Variants in CELSR2 observed in about 807,000 individuals in gnomAD.
The protein encoded by CELSR2 is cadherin EGF LAG seven-pass G-type receptor 2.
A neutral mutation model predicts 251.6 loss-of-function variants in CELSR2; 81 were observed. That is an observed-to-expected ratio of 0.32 (90% CI 0.27 to 0.39). CELSR2 has a LOEUF of 0.39. CELSR2 is among the 10% of genes least tolerant of loss of function. The probability of loss-of-function intolerance (pLI) is 1.00; values close to 1 mark genes in which losing one functional copy is unlikely to be tolerated. For synonymous variants in CELSR2, 1,721 were observed against 1,670.5 expected, an observed-to-expected ratio of 1.03 and a Z score of -0.74; for missense variants, 3,365 against 3,947.7, an observed-to-expected ratio of 0.85 and a Z score of 3.96.
In CELSR2 at chr1:109,273,680, GC is replaced by G; in HGVS notation, c.8744+12del. On this transcript the variant is annotated intron_variant, in intron 33 of 33. Transcript: ENST00000271332. ...ACTCGTCAGGCTCCGAGTGAGTGTG[GC>G]CGGGTGGGCGGGACGGGGTGCAGCC... The G allele has an allele frequency of 1.4e-6, 2 of 1,390,442 alleles. No individual in the cohort carries two copies. The highest frequency in any genetic ancestry group is 1.9e-6 in the Non-Finnish European group (2 of 1,040,502). 86.1% of individuals were successfully genotyped at this position (1,390,442 alleles called of 1,614,324 possible).
rs1655923002 is a variant in CELSR2, at chr1:109,258,467, C to T, written c.3346C>T (p.Arg1116Cys). Residue 1116 changes from arginine to cysteine, a missense_variant, in exon 2 of 34, where the codon CGT becomes TGT. Physicochemically the swap from Arg to Cys is radical, Grantham distance 180 (BLOSUM62 -3). This residue lies in a region of CELSR2 where 505 missense variants were observed against 660.0 expected (regional missense o/e 0.77). Transcript: ENST00000271332. ...VHSVTAQCAL[R>C]VTIITDEMLT... ...CAGCGTGACCGCCCAGTGCGCGCTG[C>T]GTGTGACCATCATCACCGATGAGAT... 6 of 1,604,542 alleles carry T rather than the reference C, an allele frequency of 3.7e-6. No individual in the cohort carries two copies. Among genetic ancestry groups the T allele is most frequent in the Admixed American group, 1.7e-5 (1 of 59,198 alleles).
chr1:109,271,420 C>T lies in CELSR2; in HGVS notation c.7711C>T (p.Leu2571=), dbSNP rs1656369162. The T allele has an allele frequency of 6.2e-7, 1 of 1,613,908 alleles. No individual in the cohort carries two copies. The highest frequency in any genetic ancestry group is 1.3e-5 in the African/African-American group (1 of 74,938). Reference sequence around the variant, plus strand: ...GCAGCCCTCCTTCGCCGTCCTCCTGCTGCTGAGCGCCACGTGGCTGCTGGC... The same window carrying T: ...GCAGCCCTCCTTCGCCGTCCTCCTGTTGCTGAGCGCCACGTGGCTGCTGGC... The part of the protein sequence containing the change: ...GLQPSFAVLL[L]LSATWLLALL... Residue 2571 remains leucine (L), a synonymous_variant, in exon 27 of 34, where the codon CTG becomes TTG. Transcript: ENST00000271332.
In CELSR2 at chr1:109,272,437, G is replaced by A. The variant is rs775822491; in HGVS notation, c.8054+32G>A. The A allele has an allele frequency of 3.1e-6, 5 of 1,591,846 alleles. No homozygotes were observed. In the East Asian group the frequency reaches 1.1e-4, roughly 36 times the overall value. On this transcript the variant is annotated intron_variant, in intron 29 of 33. Transcript: ENST00000271332. ...CCCGGAGATGGGAGGGTGGAGGAGGGGAGGAGGGGCCCACGCATGCTGGAC... is the reference window on the plus strand; with the variant it reads ...CCCGGAGATGGGAGGGTGGAGGAGGAGAGGAGGGGCCCACGCATGCTGGAC...
At chr1:109,253,997 G>A (rs889972166) in intron 1 of CELSR2, among the ~76,000 whole-genome samples, 3 of 152,320 alleles carry the variant, frequency 2.0e-5, no homozygotes, top group African/African-American at 7.2e-5. Flanking sequence ...GCCTGGCCTG[G>A]CTCCCCCTTC....
In CELSR2 at chr1:109,253,126, G is replaced by A. The variant is rs749457417; in HGVS notation, c.3047G>A (p.Arg1016His). ...RATVHVRLLD[R>H]NDNPPVLGNF... ...ACAGTCCACGTCCGCCTCCTTGACC[G>A]CAATGACAACCCACCAGTGCTGGGC... Residue 1016 changes from arginine (R) to histidine (H), a missense_variant, in exon 1 of 34, where the codon CGC (arginine) becomes CAC (histidine). Physicochemically the swap from Arg to His is conservative, Grantham distance 29 (BLOSUM62 0). Transcript: ENST00000271332. 24 of 1,613,692 alleles carry A rather than the reference G, an allele frequency of 1.5e-5. No homozygotes were observed. The highest frequency in any genetic ancestry group is 9.3e-5 in the African/African-American group (7 of 74,924).
chr1:109,269,197 T>C lies in CELSR2; in HGVS notation c.6719T>C (p.Leu2240Pro), dbSNP rs1367400965. ...LARRQRRHPE[L>P]SQGEAVASVI... The stretch of plus-strand genomic sequence containing the variant: ...CGGCGACAGCGACGGCACCCGGAGC[T>C]GAGCCAGGGTGAGGCTGTGGCCAGC... Residue 2240 changes from leucine to proline, a missense_variant, in exon 20 of 34, where the codon CTG becomes CCG. Transcript: ENST00000271332. This position sits in a 1 kb window ranked among gnomAD's most constrained non-coding sequence, Gnocchi z 6.4. The C allele has an allele frequency of 3.1e-6, 5 of 1,612,676 alleles. No individual in the cohort carries two copies. The highest frequency in any genetic ancestry group is 4.2e-6 in the Non-Finnish European group (5 of 1,179,776).
chr1:109,274,095 G>C lies in CELSR2; in HGVS notation c.*46G>C. On this transcript the variant is annotated 3_prime_UTR_variant, in exon 34 of 34. Transcript: ENST00000271332. ...GCCCGAGGCTCCCTTCCCTTCCCCA[G>C]CCGCACTCATGCCCTGCTCCTGTCT... is the stretch of plus-strand genomic sequence containing the variant. 7 of 1,613,514 alleles carry C rather than the reference G, an allele frequency of 4.3e-6. No homozygotes were observed. The highest frequency in any genetic ancestry group is 5.9e-6 in the Non-Finnish European group (7 of 1,179,938).
rs765304078 is a variant in CELSR2 at position 109,252,281 on chromosome 1, C to G, written c.2202C>G (p.Ile734Met). ...CGGCAGGCACCACGGTGGTGCTGATCAGCGCCACGGATGAGGACACAGGTG... is the reference window on the plus strand; with the variant it reads ...CGGCAGGCACCACGGTGGTGCTGATGAGCGCCACGGATGAGGACACAGGTG... The part of the protein sequence containing the change: ...DRPAGTTVVL[I>M]SATDEDTGEN... Residue 734 changes from isoleucine to methionine, a missense_variant, in exon 1 of 34, where the codon ATC becomes ATG. This residue lies in a region of CELSR2 where 505 missense variants were observed against 660.0 expected (regional missense o/e 0.77). Transcript: ENST00000271332. This position sits in a 1 kb window ranked among gnomAD's most constrained non-coding sequence, Gnocchi z 4.8. 7 of 1,613,328 alleles carry G rather than the reference C, an allele frequency of 4.3e-6. No individual in the cohort carries two copies. The highest frequency in any genetic ancestry group is 1.7e-5 in the Admixed American group (1 of 60,018).
chr1:109,273,370 T>C, intron 32 of CELSR2, 34 bp downstream of exon 32: 1 of 1,607,334 alleles, frequency 6.2e-7, no homozygotes, highest in Non-Finnish European at 8.5e-7. Context: ...CGAGCTCCCC[T>C]AGTCAGCAGC....
In CELSR2 at chr1:109,269,260, A is replaced by G. The variant is rs1029339588; in HGVS notation, c.6782A>G (p.His2261Arg). ...CGCACCCTGGCCGGGCTACTGCCTC[A>G]TAACTATGACCCTGACAAGCGCAGC... ...IYRTLAGLLP[H>R]NYDPDKRSLR... is the part of the protein sequence containing the mutation. Residue 2261 changes from histidine (H) to arginine (R), a missense_variant, in exon 20 of 34, where the codon CAT becomes CGT. By Grantham distance (29) the His-to-Arg change is conservative. Transcript: ENST00000271332. This position sits in a 1 kb window ranked among gnomAD's most constrained non-coding sequence, Gnocchi z 6.4. The G allele has an allele frequency of 6.2e-7, 1 of 1,613,316 alleles. No homozygotes were observed. The highest frequency in any genetic ancestry group is 1.1e-5 in the South Asian group (1 of 91,086).
At chr1:109,258,354 T>A in intron 1 of CELSR2, 78 bp from the exon 2 acceptor site, 3 of 1,069,310 alleles carry the variant, frequency 2.8e-6, no homozygotes, top group Non-Finnish European at 4.0e-6. Context: ...AAGGAGAGCC[T>A]TTCTTGGTGG....
intron 25 of CELSR2, 74 bp from the exon 26 acceptor site, chr1:109,271,143 G>T: frequency 6.5e-7 from 1 of 1,543,344 alleles, no homozygotes; most frequent in Non-Finnish European, 9.0e-7. Context: ...AACAGCTGAG[G>T]CCACGGGGCC....
rs1656404084 is a variant in CELSR2 at position 109,272,634 on chromosome 1, TC to T, written c.8055-4del. 1 of 1,612,112 alleles carries T rather than the reference TC, an allele frequency of 6.2e-7. No individual in the cohort carries two copies. The highest frequency in any genetic ancestry group is 8.5e-7 in the Non-Finnish European group (1 of 1,178,966). On this transcript the variant is annotated splice_polypyrimidine_tract_variant and splice_region_variant and intron_variant, in intron 29 of 33. Coordinates refer to ENST00000271332, the MANE Select transcript of CELSR2 (RefSeq NM_001408.3). ...TGACCCCTCCAGCATGGTCTCATCT[TC>T]CTAGGGAGGAGTCCGCACTGAACCC...
Position 109,271,232 on chromosome 1 carries a change from T to G in CELSR2, c.7612T>G (p.Tyr2538Asp), listed in dbSNP as rs1390754601. The G allele has an allele frequency of 1.2e-6, 2 of 1,613,980 alleles. No homozygotes were observed. The highest frequency in any genetic ancestry group is 4.5e-5 in the East Asian group (2 of 44,864). Residue 2538 changes from tyrosine (Y) to aspartate (D), a missense_variant, in exon 26 of 34, where the codon TAC becomes GAC. Physicochemically the swap from Tyr to Asp is radical, Grantham distance 160. Around this residue, in one of 5 missense-constraint regions of CELSR2, gnomAD observed 2,093 missense variants for 2,382.8 expected, o/e 0.88. Transcript: ENST00000271332. ...AFAVSMSVFL[Y>D]ILAARASCAA... is the part of the protein sequence containing the mutation. Reference sequence around the variant, plus strand: ...CCCTGCCTAGATGAGTGTCTTCCTGTACATCCTGGCGGCCCGGGCCTCCTG... The same window carrying G: ...CCCTGCCTAGATGAGTGTCTTCCTGGACATCCTGGCGGCCCGGGCCTCCTG...
At position 109,268,046 on chromosome 1, in the gene CELSR2, G is replaced by A. The variant is rs1323331645; in HGVS notation, c.6304G>A (p.Val2102Met). 15 of 1,598,814 alleles carry A rather than the reference G, an allele frequency of 9.4e-6. No individual in the cohort carries two copies. Among genetic ancestry groups the A allele is most frequent in the Admixed American group, 8.4e-5 (5 of 59,856 alleles). ...CTTTGGGCTGTCTGCCACACAGGAC[G>A]TGCACTTCACTGAGGTGGGGCTTGG... is the stretch of plus-strand genomic sequence containing the variant. ...RGFGLSATQDVHFTENLLRVG... is the reference protein window; with the variant it reads ...RGFGLSATQDMHFTENLLRVG... The change falls in exon 17 of 34, where the codon GTG becomes ATG. Residue 2102 changes from valine (V) to methionine (M), a missense_variant. By Grantham distance (21) the Val-to-Met change is conservative (BLOSUM62 1). Transcript: ENST00000271332.
rs941059285 is a variant in CELSR2, at chr1:109,269,332, G to A, written c.6812+42G>A. The A allele has an allele frequency of 3.4e-5, 54 of 1,611,548 alleles. No homozygotes were observed. Among genetic ancestry groups the A allele is most frequent in the Non-Finnish European group, 4.5e-5 (53 of 1,179,338 alleles). On this transcript the variant is annotated intron_variant, in intron 20 of 33. Coordinates refer to ENST00000271332, the MANE Select transcript of CELSR2 (RefSeq NM_001408.3). The surrounding 1 kb of genome is among the most constrained non-coding windows in gnomAD (Gnocchi z 6.4). Reference sequence around the variant, plus strand: ...CAGGTGTGGGTAGGGGTATGGGTCGGGCGGTGAGTGCTGAGGCATGGAGGG... The same window carrying A: ...CAGGTGTGGGTAGGGGTATGGGTCGAGCGGTGAGTGCTGAGGCATGGAGGG...
chr1:109,260,927 G>C, intron 2 of CELSR2, 115 bp from the exon 3 acceptor site: 1 of 725,926 alleles, frequency 1.4e-6, no homozygotes, highest in Non-Finnish European at 2.3e-6. Context: ...GGGAGGTTTG[G>C]GGAGTATTAC....
intron 33 of CELSR2, 37 bp downstream of exon 33, chr1:109,273,707 C>A: frequency 7.1e-7 from 1 of 1,399,056 alleles, no homozygotes; most frequent in Non-Finnish European, 9.5e-7. Context: ...GGGTGCAGCC[C>A]CTCGGAGGCC....
chr1:109,249,985 C>G lies in CELSR2; in HGVS notation c.-95C>G. On this transcript the variant is annotated 5_prime_UTR_variant, in exon 1 of 34. Coordinates refer to ENST00000271332, the MANE Select transcript of CELSR2 (RefSeq NM_001408.3). ...CACGGGAGGCCCCCGGGGACTGGCG[C>G]CCTGGCCCGGGCATGAGGCGCGGCG... 8.6e-7 allele frequency: 1 copy of G among 1,160,420 alleles called. No individual in the cohort carries two copies. The highest frequency in any genetic ancestry group is 1.1e-6 in the Non-Finnish European group (1 of 934,554). 71.9% of individuals were successfully genotyped at this position (1,160,420 alleles called of 1,614,324 possible). A position where few individuals can be genotyped will look rare whatever the true frequency, so the allele number is the denominator to read the frequency against.
Sources: gnomAD v4.1 joint callset for allele counts (sites outside exome capture counted in the v4.1 genomes callset) on GRCh38, gnomAD v4.1.1 for gene constraint, gnomAD v4.1.1 regional missense constraint, Gnocchi (gnomAD v3.1) non-coding constraint, MANE v1.5 for transcripts, NCBI Gene and HGNC (gene_info 2026-07-23, HGNC 2026-07-21) for gene names.